Variants in C12orf42 observed in about 807,000 individuals in gnomAD.
C12orf42 encodes uncharacterized protein C12orf42.
A neutral mutation model predicts 21.6 loss-of-function variants in C12orf42; 25 were observed. The observed-to-expected ratio is 1.16, with a 90% CI of 0.84 to 1.62. The LOEUF (loss-of-function observed/expected upper bound fraction) is 1.62, where lower values mean the gene tolerates loss of function less well. Ranked by LOEUF, C12orf42 falls within the 40% of genes most tolerant of loss-of-function variation. C12orf42 has a pLI of 0.00. For missense variants in C12orf42, 483 were observed against 459.3 expected, an observed-to-expected ratio of 1.05 and a Z score of -0.47; for synonymous variants, 174 against 175.0, an observed-to-expected ratio of 0.99 and a Z score of 0.05.
Position 103,360,261 on chromosome 12 carries a change from G to A in C12orf42, c.259+8626C>T, listed in dbSNP as rs908504442. ...AGCTATGGCTCTTCTCCATTCCCAG[G>A]TGCTCAACCCTAATCACCACCTACT... On this transcript the variant is annotated intron_variant, in intron 4 of 5. Coordinates refer to ENST00000548883, the MANE Select transcript of C12orf42 (RefSeq NM_198521.5). Among the ~76,000 whole-genome samples, 13 of 151,094 alleles carry A rather than the reference G, an allele frequency of 8.6e-5. 1 individual carries two copies. In the East Asian group the frequency reaches 2.6e-3, roughly 30 times the overall value.
the C12orf42 span, among the ~76,000 whole-genome samples, chr12:103,221,773 A>G: frequency 6.6e-6 from 1 of 152,128 alleles, no homozygotes; most frequent in African/African-American, 2.4e-5. Context: ...ACGTGAGGAG[A>G]GTTCTTTTCC....
chr12:103,365,870 A>T (rs999127860), intron 4 of C12orf42, among the ~76,000 whole-genome samples: 25 of 152,152 alleles, frequency 1.6e-4, no homozygotes, highest in African/African-American at 6.0e-4. Flanking sequence ...ACAGATGGGC[A>T]GAATCAATGC....
At chr12:103,386,441 C>T (rs1425623039) in intron 3 of C12orf42, among the ~76,000 whole-genome samples, 1 of 152,120 alleles carries the variant, frequency 6.6e-6, no homozygotes, top group African/African-American at 2.4e-5. Context: ...ATAACATGGA[C>T]TTATCTCTGC....
chr12:103,278,551 C>A (rs1257192327), intron 4 of C12orf42, among the ~76,000 whole-genome samples: 1 of 152,218 alleles, frequency 6.6e-6, no homozygotes, highest in Non-Finnish European at 1.5e-5. Flanking sequence ...CACTCCTGCA[C>A]TGGGCTGTGG....
chr12:103,139,559 A>T, the C12orf42 span, among the ~76,000 whole-genome samples: 1 of 152,194 alleles, frequency 6.6e-6, no homozygotes, highest in Non-Finnish European at 1.5e-5. Context: ...GTAAAAGCAA[A>T]AAGACCAAAA....
At chr12:103,139,253 ATTATTG>A in the C12orf42 span, among the ~76,000 whole-genome samples, 1 of 152,170 alleles carries the variant, frequency 6.6e-6, no homozygotes, top group Non-Finnish European at 1.5e-5. Context: ...TATAATAATA[ATTATTG>A]TTATTGGATA....
At chr12:103,260,841 A>AT (rs2034862396) in intron 10 of C12orf42, among the ~76,000 whole-genome samples, 1 of 152,160 alleles carries the variant, frequency 6.6e-6, no homozygotes, top group East Asian at 1.9e-4. Context: ...GTGTGAAGGT[A>AT]TATTTTGAGA....
At chr12:103,099,876 A>G in the C12orf42 span, among the ~76,000 whole-genome samples, 84 of 152,324 alleles carry the variant, frequency 5.5e-4, 1 homozygote, top group East Asian at 0.012. Flanking sequence ...TTTTTTGTGA[A>G]TAAGAGAACA....
chr12:103,071,181 G>A, the C12orf42 span, among the ~76,000 whole-genome samples: 31 of 152,154 alleles, frequency 2.0e-4, no homozygotes, highest in South Asian at 5.0e-3. Context: ...ATGGGGCTGC[G>A]TTTTAAAAAA....
intron 2 of C12orf42, chr12:103,476,891 G>A (rs944268584): frequency 2.6e-5 from 4 of 152,006 alleles, no homozygotes; most frequent in Non-Finnish European, 5.9e-5. Flanking sequence ...TGTAAATCTG[G>A]CTACTCATAT....
intron 2 of C12orf42, among the ~76,000 whole-genome samples, chr12:103,432,470 T>C (rs905490550): frequency 6.6e-6 from 1 of 152,240 alleles, no homozygotes; most frequent in Non-Finnish European, 1.5e-5. Context: ...GTAACATTAA[T>C]AAACACTTTC....
the C12orf42 span, among the ~76,000 whole-genome samples, chr12:103,146,875 G>C: frequency 6.6e-6 from 1 of 152,114 alleles, no homozygotes; most frequent in Non-Finnish European, 1.5e-5. Context: ...AGCTTCATTT[G>C]GCCATGGGAA....
At chr12:103,507,268 A>ATATT in the C12orf42 span, among the ~76,000 whole-genome samples, 1 of 54,546 alleles carries the variant, frequency 1.8e-5, no homozygotes, top group African/African-American at 1.8e-4. Flanking sequence ...TATATAATAT[A>ATATT]TATATTATAT....
chr12:103,121,054 G>C, the C12orf42 span, among the ~76,000 whole-genome samples: 3 of 152,136 alleles, frequency 2.0e-5, no homozygotes, highest in Non-Finnish European at 4.4e-5. Context: ...CAGTTAAAGT[G>C]ATAGAAATGT....
chr12:103,339,396 C>G (rs917730030), intron 4 of C12orf42, among the ~76,000 whole-genome samples: 1 of 152,170 alleles, frequency 6.6e-6, no homozygotes, highest in Non-Finnish European at 1.5e-5. Flanking sequence ...TATGTTGTTC[C>G]CTTCTATGTG....
chr12:103,321,046 C>A lies in C12orf42; in HGVS notation c.260-14701G>T, dbSNP rs114830696. ...TACATATAAATAACAATTCTAAGTA[C>A]TTTAGAAAGTTTTTTTAAAAATTTC... On this transcript the variant is annotated intron_variant, in intron 4 of 5. Transcript: ENST00000548883. Among the ~76,000 whole-genome samples the A allele has an allele frequency of 5.8e-3, 887 of 152,184 alleles. 11 individuals are homozygous for A. Among genetic ancestry groups the A allele is most frequent in the African/African-American group, 0.02 (846 of 41,508 alleles).
the C12orf42 span, among the ~76,000 whole-genome samples, chr12:103,202,582 T>C: frequency 1.3e-5 from 2 of 152,170 alleles, no homozygotes; most frequent in Non-Finnish European, 2.9e-5. Flanking sequence ...TTTTCCCTTT[T>C]GGAGAAGCTG....
At chr12:103,150,582 C>T in the C12orf42 span, among the ~76,000 whole-genome samples, 2 of 152,120 alleles carry the variant, frequency 1.3e-5, no homozygotes, top group African/African-American at 2.4e-5. Flanking sequence ...GAAACTGAGG[C>T]AGAGTGAAGC....
Position 103,325,249 on chromosome 12 carries a change from G to T in C12orf42, c.260-18904C>A, listed in dbSNP as rs12579358. On this transcript the variant is annotated intron_variant, in intron 4 of 5. Transcript: ENST00000548883. ...GGCCTTATTCATGGGCAGAGAGAAG[G>T]ACTCTCTTTTTGAACGACGTTCTTG... 0.011 allele frequency among the ~76,000 whole-genome samples: 1,735 copies of T among 152,296 alleles called. 96 individuals are homozygous for T. In the East Asian group the frequency reaches 0.19, roughly 17 times the overall value.
Sources: allele counts gnomAD v4.1 joint callset (sites outside exome capture counted in the v4.1 genomes callset), GRCh38; gene constraint gnomAD v4.1.1; transcripts MANE v1.5; gene names NCBI Gene and HGNC (gene_info 2026-07-23, HGNC 2026-07-21).